The following PDE1A variants were observed in gnomAD, a reference collection of about 807,000 sequenced individuals.
PDE1A encodes phosphodiesterase 1A, also known as dual specificity calcium/calmodulin-dependent 3',5'-cyclic nucleotide phosphodiesterase 1A.
In PDE1A, 35 loss-of-function variants were observed where a neutral mutation model predicts 61.7. The ratio of observed to expected loss-of-function variants is 0.57; its 90% confidence interval spans 0.43 to 0.75. The LOEUF (loss-of-function observed/expected upper bound fraction) is 0.75, where lower values mean the gene tolerates loss of function less well. PDE1A is among the 30% of genes least tolerant of loss of function. The pLI is 0.00. For synonymous variants in PDE1A, 232 were observed against 213.2 expected (o/e 1.09, Z -0.77); for missense variants, 597 against 630.6 (o/e 0.95, Z 0.57).
the PDE1A span, among the ~76,000 whole-genome samples, chr2:182,607,214 ATGGT>A: frequency 2.0e-5 from 3 of 152,128 alleles, no homozygotes; most frequent in Non-Finnish European, 4.4e-5. Context: ...GGGAGGCCTG[ATGGT>A]TGGTTTTCTG....
chr2:182,330,265 A>T (rs1047502795), intron 1 of PDE1A, among the ~76,000 whole-genome samples: 1 of 151,778 alleles, frequency 6.6e-6, no homozygotes, highest in Non-Finnish European at 1.5e-5. Flanking sequence ...AATCACTTGA[A>T]CCTGGGAGGT....
the PDE1A span, among the ~76,000 whole-genome samples, chr2:182,703,213 A>G: frequency 2.0e-5 from 3 of 152,134 alleles, no homozygotes; most frequent in African/African-American, 7.2e-5. Context: ...ATTTCTAATA[A>G]CTCTTCAATC....
chr2:182,407,403 A>T (rs963688462), intron 1 of PDE1A, among the ~76,000 whole-genome samples: 14 of 150,946 alleles, frequency 9.3e-5, no homozygotes, highest in African/African-American at 2.9e-4. Context: ...ATTTTTTGAG[A>T]TGGAGTCTTG....
the PDE1A span, among the ~76,000 whole-genome samples, chr2:182,535,786 T>C: frequency 6.6e-6 from 1 of 152,178 alleles, no homozygotes; most frequent in Non-Finnish European, 1.5e-5. Flanking sequence ...AGGGCTATTA[T>C]TAAGAGGGCA....
the PDE1A span, among the ~76,000 whole-genome samples, chr2:182,561,071 T>C: frequency 9.2e-3 from 1,296 of 140,900 alleles, 20 homozygotes; most frequent in African/African-American, 0.031. Flanking sequence ...TTAGATCCCA[T>C]TTGTCAATTT....
At chr2:182,435,150 A>G (rs992328586) in intron 2 of PDE1A, among the ~76,000 whole-genome samples, 1 of 152,054 alleles carries the variant, frequency 6.6e-6, no homozygotes, top group Non-Finnish European at 1.5e-5. Flanking sequence ...TGAAAACATC[A>G]TCAACAACAA....
chr2:182,557,620 G>T, the PDE1A span, among the ~76,000 whole-genome samples: 14 of 152,176 alleles, frequency 9.2e-5, no homozygotes, highest in African/African-American at 3.4e-4. Context: ...GCTGAGGTGG[G>T]AAGATGGCTT....
chr2:182,523,468 G>A (rs1249058042), upstream of PDE1A, among the ~76,000 whole-genome samples: 1 of 152,138 alleles, frequency 6.6e-6, no homozygotes, highest in Non-Finnish European at 1.5e-5. Flanking sequence ...CCTTAAGTAT[G>A]AGCACCATAA....
At chr2:182,691,085 G>T in the PDE1A span, among the ~76,000 whole-genome samples, 2 of 152,166 alleles carry the variant, frequency 1.3e-5, no homozygotes, top group African/African-American at 4.8e-5. Context: ...ACTCAATATT[G>T]TGAAAATGGC....
intron 2 of PDE1A, among the ~76,000 whole-genome samples, chr2:182,482,072 T>C (rs1687735216): frequency 6.6e-6 from 1 of 151,968 alleles, no homozygotes. Flanking sequence ...AAGTGAAATT[T>C]ACACATTGTC....
At chr2:182,185,047 A>C (rs1387856125) in intron 13 of PDE1A, among the ~76,000 whole-genome samples, 1 of 152,190 alleles carries the variant, frequency 6.6e-6, no homozygotes, top group African/African-American at 2.4e-5. Context: ...ATATGATTTA[A>C]CACTCTATTT....
At chr2:182,429,941 C>A (rs1054574287), upstream of PDE1A, among the ~76,000 whole-genome samples, 1 of 152,114 alleles carries the variant, frequency 6.6e-6, no homozygotes, top group Non-Finnish European at 1.5e-5. Context: ...TCAAATAGGA[C>A]GTGAGACCAC....
At chr2:182,305,172 C>T (rs900564838) in intron 1 of PDE1A, among the ~76,000 whole-genome samples, 8 of 44,166 alleles carry the variant, frequency 1.8e-4, no homozygotes, top group Non-Finnish European at 2.8e-4. Flanking sequence ...AATGTTTGTT[C>T]GGATTACTTC....
chr2:182,694,851 TG>T, the PDE1A span, among the ~76,000 whole-genome samples: 1,756 of 147,852 alleles, frequency 0.012, 39 homozygotes, highest in African/African-American at 0.039. Flanking sequence ...GTTGTTTGTT[TG>T]TTTTTTTTTT....
chr2:182,492,984 C>CA (rs34670464), intron 2 of PDE1A, among the ~76,000 whole-genome samples: 111 of 145,430 alleles, frequency 7.6e-4, no homozygotes, highest in South Asian at 3.3e-3. Flanking sequence ...ATTATGGTGG[C>CA]AAAAAAAAAA....
chr2:182,379,184 C>T (rs1210090981), intron 1 of PDE1A, among the ~76,000 whole-genome samples: 2 of 152,180 alleles, frequency 1.3e-5, no homozygotes, highest in Non-Finnish European at 2.9e-5. Context: ...CCTAGAACTA[C>T]TTAAATCTTT....
chr2:182,355,574 C>T (rs1699130406), intron 1 of PDE1A, among the ~76,000 whole-genome samples: 1 of 151,962 alleles, frequency 6.6e-6, no homozygotes, highest in Non-Finnish European at 1.5e-5. Context: ...GCTATTATTA[C>T]AGCCAGAGTG....
chr2:182,648,536 T>TAAAAAAAAAAAAAAAAAAAAAAAAA, the PDE1A span, among the ~76,000 whole-genome samples: 5 of 92,210 alleles, frequency 5.4e-5, no homozygotes, highest in African/African-American at 1.3e-4. Context: ...AAAAAAAAAT[T>TAAAAAAAAAAAAAAAAAAAAAAAAA]AAAAAAATTA....
At chr2:182,696,494 G>T in the PDE1A span, among the ~76,000 whole-genome samples, 1 of 152,202 alleles carries the variant, frequency 6.6e-6, no homozygotes, top group Admixed American at 6.5e-5. Context: ...TGAGTAGGCA[G>T]AGTGCGGAGG....
Sources: gnomAD v4.1 joint callset for allele counts (sites outside exome capture counted in the v4.1 genomes callset) on GRCh38, gnomAD v4.1.1 for gene constraint, MANE v1.5 for transcripts, NCBI Gene and HGNC (gene_info 2026-07-23, HGNC 2026-07-21) for gene names.